LRRC7: variants seen among roughly 807,000 people sequenced by gnomAD.
The protein encoded by LRRC7 is leucine rich repeat containing 7.
In LRRC7, 23 loss-of-function variants were observed where a neutral mutation model predicts 175.7. That is an observed-to-expected ratio of 0.13 (90% CI 0.09 to 0.19). LRRC7 has a LOEUF of 0.19. Among genes scored for constraint, LRRC7 ranks in the 10% least tolerant of loss-of-function variants. The pLI is 1.00. For synonymous variants in LRRC7, 685 were observed against 680.9 expected, an observed-to-expected ratio of 1.01 and a Z score of -0.09; for missense variants, 1,354 against 1,904.7, an observed-to-expected ratio of 0.71 and a Z score of 5.38.
chr1:69,925,908 G>A (rs1404527431), intron 7 of LRRC7, among the ~76,000 whole-genome samples: 1 of 139,884 alleles, frequency 7.1e-6, no homozygotes, highest in Non-Finnish European at 1.6e-5. Context: ...GTCAATTTTG[G>A]ATCTTTCCTG....
intron 9 of LRRC7, among the ~76,000 whole-genome samples, chr1:69,981,340 C>A (rs976318725): frequency 3.3e-5 from 5 of 152,098 alleles, no homozygotes; most frequent in African/African-American, 1.2e-4. Flanking sequence ...GCAAAACCAA[C>A]AAGAACAAGA....
intron 1 of LRRC7, among the ~76,000 whole-genome samples, chr1:69,659,988 G>T (rs1657219528): frequency 6.6e-6 from 1 of 151,778 alleles, no homozygotes; most frequent in African/African-American, 2.4e-5. Flanking sequence ...TCAGATAAAT[G>T]CAAATATAAT....
intron 15 of LRRC7, among the ~76,000 whole-genome samples, chr1:70,019,688 T>G (rs557157879): frequency 6.6e-6 from 1 of 152,120 alleles, no homozygotes; most frequent in African/African-American, 2.4e-5. Context: ...TGGAATATTT[T>G]AGGATATTTT....
intron 2 of LRRC7, among the ~76,000 whole-genome samples, chr1:69,683,826 C>A (rs1660791425): frequency 6.6e-6 from 1 of 151,942 alleles, no homozygotes; most frequent in South Asian, 2.1e-4. Flanking sequence ...GAATTAAAAT[C>A]TTTACTGGAG....
intron 25 of LRRC7, among the ~76,000 whole-genome samples, chr1:70,106,895 C>G (rs534890294): frequency 6.6e-6 from 1 of 152,314 alleles, no homozygotes; most frequent in African/African-American, 2.4e-5. Flanking sequence ...ACCTAACACA[C>G]AAATATAAGC....
chr1:69,997,649 T>C (rs1349702986), intron 11 of LRRC7, among the ~76,000 whole-genome samples: 9 of 150,154 alleles, frequency 6.0e-5, no homozygotes, highest in African/African-American at 1.7e-4. Flanking sequence ...TCTGCATCTA[T>C]TGAGATAATC....
intron 8 of LRRC7, among the ~76,000 whole-genome samples, chr1:69,951,134 A>G (rs1649874373): frequency 6.6e-6 from 1 of 152,044 alleles, no homozygotes; most frequent in Non-Finnish European, 1.5e-5. Flanking sequence ...AAGGACATGA[A>G]CGTACTTTTC....
chr1:69,789,278 G>C (rs1331431552), intron 3 of LRRC7, among the ~76,000 whole-genome samples: 1 of 152,012 alleles, frequency 6.6e-6, no homozygotes, highest in Non-Finnish European at 1.5e-5. Context: ...CAATTTTATT[G>C]TTTTTGAAAT....
At chr1:69,641,065 A>C (rs1013852352) in intron 1 of LRRC7, among the ~76,000 whole-genome samples, 1 of 151,860 alleles carries the variant, frequency 6.6e-6, no homozygotes, top group African/African-American at 2.4e-5. Flanking sequence ...TGGACATTTT[A>C]TGACAAGACA....
intron 7 of LRRC7, among the ~76,000 whole-genome samples, chr1:69,895,752 G>A (rs1163444494): frequency 3.3e-5 from 5 of 152,274 alleles, no homozygotes; most frequent in Admixed American, 6.5e-5. Flanking sequence ...ATTGATCCAT[G>A]TTGTAATGTT....
rs946035316 is a variant in LRRC7, at chr1:70,131,444, C to A, written c.*9557C>A. Among the ~76,000 whole-genome samples, 1 of 152,140 alleles carries A rather than the reference C, an allele frequency of 6.6e-6. No individual in the cohort carries two copies. Among genetic ancestry groups the A allele is most frequent in the Non-Finnish European group, 1.5e-5 (1 of 68,012 alleles). On this transcript the variant is annotated 3_prime_UTR_variant, in exon 27 of 27. Transcript: ENST00000651989. ...CTAGCTTTCTCACAAAACTATTTCC[C>A]ATGTCTTTCTATTTGGGTTTCATAG...
intron 11 of LRRC7, among the ~76,000 whole-genome samples, chr1:69,997,908 G>T (rs1033336572): frequency 6.6e-6 from 1 of 152,082 alleles, no homozygotes; most frequent in African/African-American, 2.4e-5. Context: ...GGATGATGCT[G>T]GCCTCATAAA....
intron 4 of LRRC7, among the ~76,000 whole-genome samples, chr1:69,821,695 A>G (rs1423229514): frequency 6.6e-6 from 1 of 151,990 alleles, no homozygotes; most frequent in East Asian, 1.9e-4. Flanking sequence ...GGAGTTCAAG[A>G]TCAGCCTGGC....
intron 2 of LRRC7, among the ~76,000 whole-genome samples, chr1:69,705,756 G>C (rs1053209902): frequency 2.6e-4 from 39 of 151,964 alleles, no homozygotes; most frequent in African/African-American, 9.4e-4. Flanking sequence ...TATTGAAGAT[G>C]GTCCTATATG....
At chr1:69,590,088 A>T (rs956631449) in intron 1 of LRRC7, among the ~76,000 whole-genome samples, 1 of 152,196 alleles carries the variant, frequency 6.6e-6, no homozygotes, top group Non-Finnish European at 1.5e-5. Flanking sequence ...AATATTATCC[A>T]TGAAATATCT....
intron 7 of LRRC7, chr1:69,875,104 C>T (rs941944977): frequency 7.2e-5 from 11 of 151,832 alleles, no homozygotes; most frequent in African/African-American, 1.5e-4. Flanking sequence ...TTCAGCTTTC[C>T]GAAATTTATT....
chr1:69,841,283 G>A (rs947224634), intron 7 of LRRC7, among the ~76,000 whole-genome samples: 6 of 152,168 alleles, frequency 3.9e-5, no homozygotes, highest in African/African-American at 1.4e-4. Flanking sequence ...TGATTTGAGA[G>A]AGAGAGTGTG....
intron 2 of LRRC7, among the ~76,000 whole-genome samples, chr1:69,699,599 C>T (rs528761603): frequency 1.3e-5 from 2 of 152,242 alleles, no homozygotes; most frequent in African/African-American, 4.8e-5. Context: ...GCAGATACAT[C>T]TCTGTTTTGA....
intron 7 of LRRC7, among the ~76,000 whole-genome samples, chr1:69,852,383 A>G (rs931023679): frequency 6.6e-6 from 1 of 152,196 alleles, no homozygotes; most frequent in Non-Finnish European, 1.5e-5. Context: ...GAATCCTGTG[A>G]GTACTTGACT....
Sources: gnomAD v4.1 joint callset for allele counts (sites outside exome capture counted in the v4.1 genomes callset) on GRCh38, gnomAD v4.1.1 for gene constraint, MANE v1.5 for transcripts, NCBI Gene and HGNC (gene_info 2026-07-23, HGNC 2026-07-21) for gene names.